AOPEP: variants seen among roughly 807,000 people sequenced by gnomAD.
AOPEP encodes aminopeptidase O (putative), also known as aminopeptidase O.
Under a neutral mutation model 98.1 loss-of-function variants are expected in AOPEP, and 77 were observed. The observed-to-expected ratio is 0.78, with a 90% CI of 0.65 to 0.95. The LOEUF (loss-of-function observed/expected upper bound fraction) is 0.95. Among genes scored for constraint, AOPEP ranks in the 40% least tolerant of loss-of-function variants. The pLI is 0.00. For synonymous variants in AOPEP, 346 were observed against 365.3 expected (o/e 0.95, Z 0.60); for missense variants, 1,024 against 1,024.7 (o/e 1.00, Z 0.01).
chr9:95,081,364 C>A lies in AOPEP; in HGVS notation c.2319+584C>A, dbSNP rs113384064. Reference sequence around the variant, plus strand: ...GTGTCAGGTCACCAACAGGTGTGTCCTGTAACACGTCACAGCCTCCCACGC... The same window carrying A: ...GTGTCAGGTCACCAACAGGTGTGTCATGTAACACGTCACAGCCTCCCACGC... On this transcript the variant is annotated intron_variant, in intron 15 of 16. Coordinates refer to ENST00000375315, the MANE Select transcript of AOPEP (RefSeq NM_001193329.3). Among the ~76,000 whole-genome samples, 1,115 of 152,314 alleles carry A rather than the reference C, an allele frequency of 7.3e-3. 19 individuals carry two copies. Among genetic ancestry groups the A allele is most frequent in the African/African-American group, 0.026 (1,076 of 41,562 alleles).
intron 5 of AOPEP, among the ~76,000 whole-genome samples, chr9:94,812,714 T>G (rs1212604095): frequency 6.6e-6 from 1 of 152,150 alleles, no homozygotes; most frequent in Non-Finnish European, 1.5e-5. Context: ...TCTCTGAGCC[T>G]TCAAATAAGG....
chr9:94,815,700 A>G (rs1250064029), intron 5 of AOPEP, among the ~76,000 whole-genome samples: 3 of 152,052 alleles, frequency 2.0e-5, no homozygotes, highest in South Asian at 2.1e-4. Flanking sequence ...AGCAGCAACC[A>G]TTGCCTGCAC....
chr9:94,919,727 C>T (rs1453584008), intron 5 of AOPEP, among the ~76,000 whole-genome samples: 5 of 152,016 alleles, frequency 3.3e-5, no homozygotes, highest in African/African-American at 1.2e-4. Flanking sequence ...TACGAGTCTA[C>T]GGTTTCACTT....
chr9:94,946,607 C>T (rs763509535), intron 7 of AOPEP, among the ~76,000 whole-genome samples: 1 of 152,254 alleles, frequency 6.6e-6, no homozygotes, highest in Non-Finnish European at 1.5e-5. Context: ...GCGCAGTCCT[C>T]TTAGCTCTTA....
intron 14 of AOPEP, among the ~76,000 whole-genome samples, chr9:95,078,500 C>T (rs1158453469): frequency 1.3e-5 from 2 of 152,230 alleles, no homozygotes; most frequent in Non-Finnish European, 2.9e-5. Context: ...CTTTAAAGAA[C>T]ACTTAGAAAC....
chr9:94,808,329 C>T (rs1343577572), intron 5 of AOPEP, among the ~76,000 whole-genome samples: 3 of 152,208 alleles, frequency 2.0e-5, no homozygotes, highest in South Asian at 2.1e-4. Context: ...CGTGAGCCAC[C>T]GTGCCCAGCC....
intron 5 of AOPEP, among the ~76,000 whole-genome samples, chr9:94,816,647 A>G (rs1851759559): frequency 6.6e-6 from 1 of 152,228 alleles, no homozygotes; most frequent in Admixed American, 6.5e-5. Flanking sequence ...ACGGGAGACT[A>G]AGGGCTGGAG....
the AOPEP span, among the ~76,000 whole-genome samples, chr9:95,141,637 G>T: frequency 1.3e-5 from 2 of 152,174 alleles, no homozygotes; most frequent in Non-Finnish European, 2.9e-5. Context: ...GATGCTGAGG[G>T]TATTCAAAAG....
At chr9:94,949,275 A>C (rs2137785135) in intron 7 of AOPEP, among the ~76,000 whole-genome samples, 1 of 152,258 alleles carries the variant, frequency 6.6e-6, no homozygotes, top group African/African-American at 2.4e-5. Context: ...TCTGAGTTTC[A>C]TCTTTCATTT....
At chr9:95,027,506 TTTTAG>T (rs1212148308) in intron 13 of AOPEP, among the ~76,000 whole-genome samples, 1 of 152,230 alleles carries the variant, frequency 6.6e-6, no homozygotes, top group Non-Finnish European at 1.5e-5. Context: ...GAATTCTTTT[TTTTAG>T]TTCTGTTACT....
At chr9:95,119,372 T>C in the AOPEP span, among the ~76,000 whole-genome samples, 4 of 151,830 alleles carry the variant, frequency 2.6e-5, no homozygotes, top group African/African-American at 4.8e-5. Context: ...TTTCTTTTTT[T>C]TTTTTTTTAA....
At chr9:94,815,988 T>G (rs756311941) in intron 5 of AOPEP, among the ~76,000 whole-genome samples, 4 of 152,206 alleles carry the variant, frequency 2.6e-5, no homozygotes, top group Non-Finnish European at 4.4e-5. Flanking sequence ...AGTGTGTCCC[T>G]AGTTAAATTT....
intron 16 of AOPEP, chr9:95,085,992 G>C (rs765182933): frequency 7.3e-7 from 1 of 1,363,550 alleles, no homozygotes; most frequent in Non-Finnish European, 9.8e-7. Flanking sequence ...CTGAGGCGCT[G>C]CTTCTCCGGG....
intron 2 of AOPEP, among the ~76,000 whole-genome samples, chr9:94,769,307 A>G (rs911043535): frequency 6.6e-6 from 1 of 152,198 alleles, no homozygotes; most frequent in Non-Finnish European, 1.5e-5. Context: ...AGACATGCAT[A>G]GGATATCAGC....
At chr9:94,746,453 A>T (rs1317622969) in intron 1 of AOPEP, among the ~76,000 whole-genome samples, 1 of 152,184 alleles carries the variant, frequency 6.6e-6, no homozygotes, top group Non-Finnish European at 1.5e-5. Context: ...AATGGAGTAG[A>T]AAAGTGAAAT....
chr9:94,908,458 T>G (rs1055135386), intron 5 of AOPEP, among the ~76,000 whole-genome samples: 4 of 152,192 alleles, frequency 2.6e-5, no homozygotes, highest in Admixed American at 6.5e-5. Flanking sequence ...TTGAAAGCAC[T>G]TATCCCTCTA....
At chr9:94,837,087 C>T (rs531736622) in intron 5 of AOPEP, among the ~76,000 whole-genome samples, 9 of 152,210 alleles carry the variant, frequency 5.9e-5, no homozygotes, top group Non-Finnish European at 1.0e-4. Flanking sequence ...TTACAACCAA[C>T]ACCACAGAAA....
intron 2 of AOPEP, among the ~76,000 whole-genome samples, chr9:94,761,289 C>G (rs1016812488): frequency 1.3e-5 from 2 of 152,172 alleles, no homozygotes; most frequent in South Asian, 4.1e-4. Flanking sequence ...TTAGGCAGAC[C>G]TTGCTCTAAC....
At chr9:94,804,700 C>T (rs947239197) in intron 5 of AOPEP, among the ~76,000 whole-genome samples, 1 of 152,132 alleles carries the variant, frequency 6.6e-6, no homozygotes, top group Non-Finnish European at 1.5e-5. Context: ...GATGCAAAGC[C>T]TACAAGGGTG....
Sources: allele counts gnomAD v4.1 joint callset (sites outside exome capture counted in the v4.1 genomes callset), GRCh38; gene constraint gnomAD v4.1.1; transcripts MANE v1.5; gene names NCBI Gene and HGNC (gene_info 2026-07-23, HGNC 2026-07-21).